Variants in SPECC1 observed in about 807,000 individuals in gnomAD.
SPECC1 encodes the protein cytospin-B.
In SPECC1, 62 loss-of-function variants were observed where a neutral mutation model predicts 104.1. The ratio of observed to expected loss-of-function variants is 0.60; its 90% CI spans 0.49 to 0.74. The LOEUF is 0.74. Ranked by LOEUF, SPECC1 falls within the 30% of genes least tolerant of loss-of-function variation. SPECC1 has a pLI of 0.00. For missense variants in SPECC1, 1,306 were observed against 1,310.5 expected (o/e 1.00, Z 0.05); for synonymous variants, 513 against 501.6 (o/e 1.02, Z -0.30).
intron 3 of SPECC1, among the ~76,000 whole-genome samples, chr17:20,153,507 G>A (rs902208303): frequency 6.6e-6 from 1 of 152,218 alleles, no homozygotes; most frequent in African/African-American, 2.4e-5. Flanking sequence ...TAGTTGGGAA[G>A]CTAATGCAGT....
At chr17:20,212,447 T>G (rs1397417775) in intron 4 of SPECC1, among the ~76,000 whole-genome samples, 1 of 152,176 alleles carries the variant, frequency 6.6e-6, no homozygotes, top group Non-Finnish European at 1.5e-5. Context: ...ACAATCATGG[T>G]GGAAGGTGAA....
chr17:20,113,258 GT>G (rs1457339731), intron 3 of SPECC1, among the ~76,000 whole-genome samples: 1 of 152,060 alleles, frequency 6.6e-6, no homozygotes, highest in East Asian at 1.9e-4. Context: ...GGTTTACCTG[GT>G]TTTATGACCA....
intron 1 of SPECC1, among the ~76,000 whole-genome samples, chr17:20,091,793 C>T (rs901463318): frequency 1.3e-5 from 2 of 152,146 alleles, no homozygotes; most frequent in Non-Finnish European, 2.9e-5. Context: ...TGCTTGTAGC[C>T]GAGCCCTGAG....
rs1462553053 is a variant in SPECC1 at position 20,315,351 on chromosome 17, C to T, written c.*1286C>T. On this transcript the variant is annotated 3_prime_UTR_variant, in exon 15 of 15. Transcript: ENST00000395527. ...TGGTCACCTTAAGTGGCAGCAGAGC[C>T]CTCCCCAGCGGTGCCCCAGTCCCTC... 3 of 232,728 alleles carry T rather than the reference C, an allele frequency of 1.3e-5. No individual in the cohort carries two copies. Among genetic ancestry groups the T allele is most frequent in the East Asian group, 1.2e-4 (2 of 16,524 alleles). 14.4% of individuals were successfully genotyped at this position (232,728 alleles called of 1,614,324 possible).
In SPECC1 at chr17:20,128,228, G is replaced by A. The variant is rs117714601; in HGVS notation, c.283+17666G>A. Among the ~76,000 whole-genome samples the A allele has an allele frequency of 3.7e-3, 562 of 152,268 alleles. 3 individuals are homozygous for A. The highest frequency in any genetic ancestry group is 6.8e-3 in the Admixed American group (104 of 15,298). On this transcript the variant is annotated intron_variant, in intron 3 of 14. Coordinates refer to ENST00000395527, the MANE Select transcript of SPECC1 (RefSeq NM_001243439.2). ...AGTGTTGAGAATTCAAATACCAGGC[G>A]TGTTGACATCAGTGACTTTGAAATG...
At chr17:20,041,846 C>G (rs1437351405) in intron 1 of SPECC1, among the ~76,000 whole-genome samples, 1 of 151,166 alleles carries the variant, frequency 6.6e-6, no homozygotes, top group Non-Finnish European at 1.5e-5. Flanking sequence ...AGGATGGTCT[C>G]GATCTCCTGA....
intron 2 of SPECC1, among the ~76,000 whole-genome samples, chr17:20,106,781 T>G (rs1006522112): frequency 6.6e-6 from 1 of 152,138 alleles, no homozygotes; most frequent in Admixed American, 6.5e-5. Flanking sequence ...TTACCCAGTC[T>G]TGGGTATGTC....
chr17:20,107,462 C>CTTTTTTTTTTTTT (rs201566147), intron 2 of SPECC1, among the ~76,000 whole-genome samples: 1 of 132,118 alleles, frequency 7.6e-6, no homozygotes, highest in African/African-American at 2.8e-5. Flanking sequence ...TTTCTTTTTT[C>CTTTTTTTTTTTTT]TTTTTTTTTT....
intron 1 of SPECC1, among the ~76,000 whole-genome samples, chr17:20,071,000 C>A (rs1358205347): frequency 1.3e-5 from 2 of 151,886 alleles, no homozygotes; most frequent in Non-Finnish European, 2.9e-5. Flanking sequence ...ACTACGTTGC[C>A]CAGGTTGACG....
At chr17:20,177,412 C>T (rs2035604225) in intron 3 of SPECC1, among the ~76,000 whole-genome samples, 1 of 152,014 alleles carries the variant, frequency 6.6e-6, no homozygotes, top group Non-Finnish European at 1.5e-5. Flanking sequence ...AATGAAGAAA[C>T]CAAATAAATA....
At chr17:20,302,788 G>A (rs1489927221) in intron 13 of SPECC1, among the ~76,000 whole-genome samples, 1 of 141,850 alleles carries the variant, frequency 7.0e-6, no homozygotes, top group Non-Finnish European at 1.5e-5. Flanking sequence ...AGGCGTTGTG[G>A]CAACATGCCT....
Position 20,153,102 on chromosome 17 carries a change from TAGGAAGGACACA to T in SPECC1, c.283+42542_283+42553del, listed in dbSNP as rs1193898544. 2.0e-5 allele frequency among the ~76,000 whole-genome samples: 3 copies of T among 152,288 alleles called. No individual in the cohort carries two copies. In the East Asian group the frequency reaches 5.8e-4, roughly 29 times the overall value. On this transcript the variant is annotated intron_variant, in intron 3 of 14. Transcript: ENST00000395527. ...GGGGGGTAGGGCTTCAACATGAATT[TAGGAAGGACACA>T]ACTCAGTTCACAGCAGATGAATAAG...
chr17:20,147,282 G>T (rs2031565317), intron 3 of SPECC1, among the ~76,000 whole-genome samples: 1 of 151,978 alleles, frequency 6.6e-6, no homozygotes, highest in South Asian at 2.1e-4. Context: ...TGTTGGTCAG[G>T]CTGGTCTCGA....
At chr17:20,270,683 T>C (rs1420082035) in intron 12 of SPECC1, among the ~76,000 whole-genome samples, 1 of 152,062 alleles carries the variant, frequency 6.6e-6, no homozygotes, top group Non-Finnish European at 1.5e-5. Context: ...TTTATGCTTA[T>C]GCTAAATAGT....
chr17:20,298,942 A>T (rs1332426380), intron 13 of SPECC1, among the ~76,000 whole-genome samples: 32 of 44,568 alleles, frequency 7.2e-4, no homozygotes, highest in East Asian at 0.034. Flanking sequence ...AGAGAGAGAG[A>T]GAGAGAGTGT....
Position 20,204,988 on chromosome 17 carries a change from C to G in SPECC1, c.939C>G (p.Gly313=). The change falls in exon 4 of 15, where the codon GGC becomes GGG. Residue 313 remains glycine, a synonymous_variant. Transcript: ENST00000395527. ...ATGGAAATGCATTACGGACATCAGGCTCCTCAAGTAGCGATGTTACCAAAG... is the reference window on the plus strand; with the variant it reads ...ATGGAAATGCATTACGGACATCAGGGTCCTCAAGTAGCGATGTTACCAAAG... ...NIHGNALRTS[G]SSSSDVTKAS... 6.2e-7 allele frequency: 1 copy of G among 1,614,172 alleles called. No homozygotes were observed.
At chr17:20,264,816 G>A (rs1294186427) in intron 12 of SPECC1, among the ~76,000 whole-genome samples, 2 of 151,998 alleles carry the variant, frequency 1.3e-5, no homozygotes, top group Non-Finnish European at 2.9e-5. Flanking sequence ...ACTGCACCTG[G>A]CCCTTTATAT....
At chr17:20,199,419 A>T (rs1252900029) in intron 3 of SPECC1, among the ~76,000 whole-genome samples, 2 of 115,180 alleles carry the variant, frequency 1.7e-5, no homozygotes. Flanking sequence ...TTTTAAATAG[A>T]GACAGGGTCT....
rs1466731186 is a variant in SPECC1 at position 20,314,241 on chromosome 17, CCTGTCTGA to C, written c.*177_*184del. 3 of 621,472 alleles carry C rather than the reference CCTGTCTGA, an allele frequency of 4.8e-6. No homozygotes were observed. The highest frequency in any genetic ancestry group is 1.8e-5 in the African/African-American group (1 of 54,776). The allele number at this position is 621,472 out of a possible 1,614,324, so 38.5% of individuals were successfully genotyped here. A position where few individuals can be genotyped will look rare whatever the true frequency, so the allele number is the denominator to read the frequency against. The stretch of plus-strand genomic sequence containing the variant: ...GAAACAGAGTGGGTCCCACGATGTA[CCTGTCTGA>C]AATGCAAATGCAGCTGGACTGTAAA... On this transcript the variant is annotated 3_prime_UTR_variant, in exon 15 of 15. Transcript: ENST00000395527.
Sources: allele counts gnomAD v4.1 joint callset (sites outside exome capture counted in the v4.1 genomes callset), GRCh38; gene constraint gnomAD v4.1.1; transcripts MANE v1.5; gene names NCBI Gene and HGNC (gene_info 2026-07-23, HGNC 2026-07-21).